VWC2: variants seen among roughly 807,000 people sequenced by gnomAD.
VWC2 encodes brorin.
A neutral mutation model predicts 29.8 loss-of-function variants in VWC2; 14 were observed. The ratio of observed to expected loss-of-function variants is 0.47; its 90% CI spans 0.31 to 0.74. The LOEUF (loss-of-function observed/expected upper bound fraction) is 0.74. Ranked by LOEUF, VWC2 falls within the 30% of genes least tolerant of loss-of-function variation. The probability of loss-of-function intolerance (pLI) is 0.05; values close to 1 mark genes in which losing one functional copy is unlikely to be tolerated. For missense variants in VWC2, 457 were observed against 459.8 expected (o/e 0.99, Z 0.05); for synonymous variants, 213 against 199.0 (o/e 1.07, Z -0.59).
intron 3 of VWC2, among the ~76,000 whole-genome samples, chr7:49,883,801 A>C (rs1791781681): frequency 6.6e-6 from 1 of 152,244 alleles, no homozygotes; most frequent in Non-Finnish European, 1.5e-5. Context: ...GTATCAGTTA[A>C]AATCAATGAA....
At chr7:49,786,726 A>G (rs1042686903) in intron 2 of VWC2, among the ~76,000 whole-genome samples, 4 of 152,140 alleles carry the variant, frequency 2.6e-5, no homozygotes, top group Non-Finnish European at 4.4e-5. Context: ...TGTTTGTCTG[A>G]TGATCAGTGA....
At chr7:49,890,578 T>C (rs943613671) in intron 3 of VWC2, among the ~76,000 whole-genome samples, 5 of 152,236 alleles carry the variant, frequency 3.3e-5, no homozygotes, top group Admixed American at 6.5e-5. Flanking sequence ...GCTCCTTTCT[T>C]ATTTGGGAAT....
At chr7:49,883,397 A>G (rs1455341943) in intron 3 of VWC2, among the ~76,000 whole-genome samples, 1 of 152,212 alleles carries the variant, frequency 6.6e-6, no homozygotes, top group Non-Finnish European at 1.5e-5. Context: ...AAAAAATAGG[A>G]AAAACAATTT....
intron 3 of VWC2, among the ~76,000 whole-genome samples, chr7:49,908,552 A>T (rs968055046): frequency 2.0e-5 from 3 of 152,152 alleles, no homozygotes; most frequent in Admixed American, 6.5e-5. Flanking sequence ...TATAATTTTT[A>T]AAAATGTATG....
chr7:49,851,718 C>T (rs927200027), intron 3 of VWC2, among the ~76,000 whole-genome samples: 7 of 152,122 alleles, frequency 4.6e-5, no homozygotes, highest in Non-Finnish European at 8.8e-5. Flanking sequence ...CTTAGCTGGG[C>T]GTGCTGGCAC....
intron 2 of VWC2, among the ~76,000 whole-genome samples, chr7:49,797,170 T>C (rs1788611131): frequency 6.6e-6 from 1 of 152,246 alleles, no homozygotes; most frequent in Non-Finnish European, 1.5e-5. Context: ...GCTATGCATG[T>C]AGTTATGACT....
At chr7:49,793,508 A>C (rs1192009729) in intron 2 of VWC2, among the ~76,000 whole-genome samples, 2 of 152,158 alleles carry the variant, frequency 1.3e-5, no homozygotes, top group Non-Finnish European at 2.9e-5. Context: ...TGTAAGCAAC[A>C]CCTGTGTGTA....
intron 3 of VWC2, among the ~76,000 whole-genome samples, chr7:49,877,481 A>AAAAAATACATATATATAT: frequency 7.9e-5 from 1 of 12,728 alleles, no homozygotes; most frequent in East Asian, 5.6e-3. Flanking sequence ...AAAAAAAAAA[A>AAAAAATACATATATATAT]ATATATATAT....
intron 3 of VWC2, among the ~76,000 whole-genome samples, chr7:49,842,403 A>G (rs1182846569): frequency 6.6e-6 from 1 of 152,192 alleles, no homozygotes; most frequent in East Asian, 1.9e-4. Flanking sequence ...TTTTAATTGG[A>G]TGCCTTTAGG....
chr7:49,870,576 A>T (rs1791106839), intron 3 of VWC2, among the ~76,000 whole-genome samples: 2 of 152,192 alleles, frequency 1.3e-5, no homozygotes, highest in African/African-American at 2.4e-5. Context: ...AGCTGAATAC[A>T]GGGCATGTCT....
At chr7:49,881,558 T>A (rs1043950305) in intron 3 of VWC2, among the ~76,000 whole-genome samples, 8 of 152,152 alleles carry the variant, frequency 5.3e-5, no homozygotes, top group African/African-American at 1.9e-4. Flanking sequence ...GCTCAAGATA[T>A]GTGTTATTAG....
intron 3 of VWC2, among the ~76,000 whole-genome samples, chr7:49,881,256 T>C (rs1160106131): frequency 6.6e-6 from 1 of 152,166 alleles, no homozygotes; most frequent in African/African-American, 2.4e-5. Flanking sequence ...TCCAGTTCTT[T>C]TGTTCCATTT....
chr7:49,853,105 G>T (rs1164614796), intron 3 of VWC2, among the ~76,000 whole-genome samples: 1 of 152,232 alleles, frequency 6.6e-6, no homozygotes, highest in Non-Finnish European at 1.5e-5. Context: ...CTGAAGGCAG[G>T]CTCCCAGGCT....
intron 3 of VWC2, among the ~76,000 whole-genome samples, chr7:49,843,433 A>C (rs1259833681): frequency 6.6e-6 from 1 of 152,180 alleles, no homozygotes; most frequent in African/African-American, 2.4e-5. Context: ...TATATGTGCC[A>C]ATTTCTTATT....
Position 49,875,298 on chromosome 7 carries a change from A to T in VWC2, c.827-36736A>T, listed in dbSNP as rs563861436. 2.0e-3 allele frequency among the ~76,000 whole-genome samples: 261 copies of T among 127,362 alleles called. 3 individuals carry two copies. The highest frequency in any genetic ancestry group is 7.1e-3 in the African/African-American group (244 of 34,174). 83.6% of individuals were successfully genotyped at this position (127,362 alleles called of 152,430 possible). On this transcript the variant is annotated intron_variant, in intron 3 of 3. Transcript: ENST00000340652. ...GGCAGGAGAATCGCCTGAACCCAGG[A>T]GATGGAGGTTGCAGTGAGCCAAGAT...
At chr7:49,835,210 A>C (rs1334601278) in intron 3 of VWC2, among the ~76,000 whole-genome samples, 1 of 152,244 alleles carries the variant, frequency 6.6e-6, no homozygotes, top group African/African-American at 2.4e-5. Flanking sequence ...TTTTATGGCT[A>C]CTGGACATCA....
rs574489225 is a variant in VWC2 at position 49,904,251 on chromosome 7, A to AC, written c.827-7781dup. Among the ~76,000 whole-genome samples, 38 of 152,226 alleles carry AC rather than the reference A, an allele frequency of 2.5e-4. No individual in the cohort carries two copies. The East Asian group carries it at 7.0e-3, about 28-fold the overall frequency. On this transcript the variant is annotated intron_variant, in intron 3 of 3. Transcript: ENST00000340652. ...TGCTTTTCATTAAAAGAAAAGCTTT[A>AC]CCGAGGACTCCCATACCCTCACTAT... is the stretch of plus-strand genomic sequence containing the variant.
At chr7:49,797,819 A>C (rs751685388) in intron 2 of VWC2, among the ~76,000 whole-genome samples, 12 of 152,342 alleles carry the variant, frequency 7.9e-5, no homozygotes, top group Non-Finnish European at 1.5e-4. Context: ...GGCCTTGAGA[A>C]TGAATTCTTT....
In VWC2 at chr7:49,775,784, A is replaced by ACCC; in HGVS notation, c.351_353dup (p.Pro118dup). On this transcript the variant is annotated inframe_insertion, in exon 2 of 4. Coordinates refer to ENST00000340652, the MANE Select transcript of VWC2 (RefSeq NM_198570.5). ...TCTGCAGGTCCGGCCCCGCGGGGAC[A>ACCC]CCCCGCAGGCGGAAGCCCTGGCCGC... The ACCC allele has an allele frequency of 6.6e-7, 1 of 1,523,358 alleles. No individual in the cohort carries two copies. Among genetic ancestry groups the ACCC allele is most frequent in the Non-Finnish European group, 8.8e-7 (1 of 1,136,416 alleles). 94.4% of individuals were successfully genotyped at this position (1,523,358 alleles called of 1,614,324 possible).
Sources: gnomAD v4.1 joint callset for allele counts (sites outside exome capture counted in the v4.1 genomes callset) on GRCh38, gnomAD v4.1.1 for gene constraint, MANE v1.5 for transcripts, NCBI Gene and HGNC (gene_info 2026-07-23, HGNC 2026-07-21) for gene names.